HERC1: variants seen among roughly 807,000 people sequenced by gnomAD.
HERC1 encodes HECT and RLD domain containing E3 ubiquitin protein ligase family member 1.
In HERC1, 160 loss-of-function variants were observed where a neutral mutation model predicts 554.3. The ratio of observed to expected loss-of-function variants is 0.29; its 90% CI spans 0.25 to 0.33. The LOEUF is 0.33. HERC1 is among the 10% of genes least tolerant of loss of function. The pLI, the probability that HERC1 is intolerant of heterozygous loss-of-function variation, is 1.00. For missense variants in HERC1, 4,919 were observed against 5,918.5 expected, an observed-to-expected ratio of 0.83 and a Z score of 5.54; for synonymous variants, 2,175 against 2,131.7, an observed-to-expected ratio of 1.02 and a Z score of -0.56.
intron 25 of HERC1, among the ~76,000 whole-genome samples, chr15:63,700,862 T>C (rs547905866): frequency 1.3e-5 from 2 of 152,002 alleles, no homozygotes; most frequent in Non-Finnish European, 2.9e-5. Context: ...CATAGATGCA[T>C]AATGTATTAA....
intron 1 of HERC1, among the ~76,000 whole-genome samples, chr15:63,790,173 T>C (rs982517741): frequency 2.0e-5 from 3 of 152,212 alleles, no homozygotes; most frequent in Non-Finnish European, 4.4e-5. Flanking sequence ...TGGACTCATC[T>C]CCTGGAACTC....
At position 63,692,562 on chromosome 15, in the gene HERC1, A is replaced by G; in HGVS notation, c.5679T>C (p.Ala1893=). The part of the protein sequence containing the change: ...GETEKKDFRA[A]LRKQHAAELH... ...GTTCGGCTGCATGTTGTTTCCTAAG[A>G]GCAGCTACAGTGAAGAGACAAGTTT... Residue 1893 remains alanine (A), a synonymous_variant, in exon 31 of 78, where the codon GCT becomes GCC. Coordinates refer to ENST00000443617, the MANE Select transcript of HERC1 (RefSeq NM_003922.4). The surrounding 1 kb of genome is among the most constrained non-coding windows in gnomAD (Gnocchi z 4.7). The G allele has an allele frequency of 1.9e-6, 3 of 1,603,992 alleles. No individual in the cohort carries two copies. The highest frequency in any genetic ancestry group is 2.5e-6 in the Non-Finnish European group (3 of 1,176,626).
chr15:63,630,494 T>C lies in HERC1; in HGVS notation c.12938A>G (p.Tyr4313Cys). The change falls in exon 69 of 78, where the codon TAT (tyrosine) becomes TGT (cysteine). Residue 4313 changes from tyrosine (Y) to cysteine (C), a missense_variant. Around this residue, in one of 11 missense-constraint regions of HERC1, gnomAD observed 410 missense variants for 467.0 expected, o/e 0.88. Transcript: ENST00000443617. ...CCCTTCTGAATTGCTCCCCCAGGCATACACATCTCCATTTGATGCCAAAGC... is the reference window on the plus strand; with the variant it reads ...CCCTTCTGAATTGCTCCCCCAGGCACACACATCTCCATTTGATGCCAAAGC... The part of the protein sequence containing the change: ...TLALASNGDV[Y>C]AWGSNSEGQL... 1 of 1,613,932 alleles carries C rather than the reference T, an allele frequency of 6.2e-7. No homozygotes were observed. Among genetic ancestry groups the C allele is most frequent in the Non-Finnish European group, 8.5e-7 (1 of 1,179,850 alleles).
At chr15:63,613,977 CACAAA>C (rs2067709447) in intron 76 of HERC1, among the ~76,000 whole-genome samples, 1 of 152,110 alleles carries the variant, frequency 6.6e-6, no homozygotes, top group African/African-American at 2.4e-5. Context: ...CTTGGTGGAA[CACAAA>C]ACAAAAGCTG....
chr15:63,641,757 T>A (rs1355809018), intron 59 of HERC1, 114 bp from the exon 60 acceptor site: 2 of 824,792 alleles, frequency 2.4e-6, no homozygotes, highest in Non-Finnish European at 1.8e-6. Context: ...GCTTTTTGGA[T>A]ATTTTATATC....
intron 60 of HERC1, among the ~76,000 whole-genome samples, chr15:63,640,924 G>T (rs1026899082): frequency 6.6e-6 from 1 of 152,118 alleles, no homozygotes; most frequent in South Asian, 2.1e-4. Context: ...GCCATCAAAG[G>T]AAAAGCAAAA....
chr15:63,674,799 G>A lies in HERC1; in HGVS notation c.7389C>T (p.Ile2463=), dbSNP rs374567563. Residue 2463 remains isoleucine (I), a synonymous_variant, in exon 38 of 78, where the codon ATC becomes ATT. Coordinates refer to ENST00000443617, the MANE Select transcript of HERC1 (RefSeq NM_003922.4). ...STTSSKSENE[I]ASFSLDPTLP... Reference sequence around the variant, plus strand: ...GTGTTGGATCTAAAGAAAATGAAGCGATTTCATTTTCTGATTTGGAGCTTG... The same window carrying A: ...GTGTTGGATCTAAAGAAAATGAAGCAATTTCATTTTCTGATTTGGAGCTTG... The A allele has an allele frequency of 2.7e-5, 43 of 1,613,686 alleles. No individual in the cohort carries two copies. The Admixed American group carries it at 3.2e-4, about 12-fold the overall frequency.
chr15:63,676,462 T>C (rs2071212484), intron 37 of HERC1, among the ~76,000 whole-genome samples: 2 of 152,134 alleles, frequency 1.3e-5, no homozygotes, highest in African/African-American at 2.4e-5. Flanking sequence ...ACCACTGTTT[T>C]AGATATTGTT....
At chr15:63,641,239 T>C (rs1206543462) in intron 60 of HERC1, among the ~76,000 whole-genome samples, 3 of 152,230 alleles carry the variant, frequency 2.0e-5, no homozygotes, top group South Asian at 2.1e-4. Flanking sequence ...AAAGCAGTAA[T>C]ACAAACTTGG....
In HERC1 at chr15:63,608,960, T is replaced by C. The variant is rs777741365; in HGVS notation, c.*121A>G. 3 of 772,920 alleles carry C rather than the reference T, an allele frequency of 3.9e-6. No homozygotes were observed. The highest frequency in any genetic ancestry group is 3.9e-6 in the Non-Finnish European group (2 of 516,184). The allele number at this position is 772,920 out of a possible 1,614,324, so 47.9% of individuals were successfully genotyped here. On this transcript the variant is annotated 3_prime_UTR_variant, in exon 78 of 78. Coordinates refer to ENST00000443617, the MANE Select transcript of HERC1 (RefSeq NM_003922.4). ...ATTTAGAGTAACTAAATGTGGCCAT[T>C]GTTTATAATGTTGGTTTATGTTCTT...
intron 53 of HERC1, 21 bp downstream of exon 53, chr15:63,651,232 T>G (rs2069660278): frequency 1.2e-6 from 2 of 1,612,078 alleles, no homozygotes; most frequent in African/African-American, 2.7e-5. Context: ...AGCAGTTTAC[T>G]AGTGTTTACA....
At chr15:63,640,609 C>T (rs1023201710) in intron 60 of HERC1, among the ~76,000 whole-genome samples, 164 bp from the exon 61 acceptor site, 1 of 152,070 alleles carries the variant, frequency 6.6e-6, no homozygotes, top group Admixed American at 6.6e-5. Context: ...CAGATAGTAC[C>T]GAGGATTTCT....
At chr15:63,695,028 T>C (rs1360672754) in intron 27 of HERC1, 134 bp from the exon 28 acceptor site, 5 of 626,048 alleles carry the variant, frequency 8.0e-6, no homozygotes, top group East Asian at 4.0e-5. Flanking sequence ...ATATTTCATA[T>C]ATAAAGTATA....
At chr15:63,779,176 AAAAC>A (rs752059475) in intron 1 of HERC1, among the ~76,000 whole-genome samples, 3 of 152,116 alleles carry the variant, frequency 2.0e-5, no homozygotes, top group East Asian at 1.9e-4. Flanking sequence ...AGAAAAATAC[AAAAC>A]AAACAAAAAC....
intron 1 of HERC1, among the ~76,000 whole-genome samples, chr15:63,809,320 G>A (rs1567149777): frequency 6.6e-6 from 1 of 152,128 alleles, no homozygotes; most frequent in Admixed American, 6.6e-5. Flanking sequence ...GTAATTATGT[G>A]TTAATTTTAA....
At chr15:63,649,414 C>T (rs955277609) in intron 54 of HERC1, among the ~76,000 whole-genome samples, 9 of 152,106 alleles carry the variant, frequency 5.9e-5, no homozygotes, top group Non-Finnish European at 1.0e-4. Context: ...TGATTATGAC[C>T]TTTTTTTCTC....
intron 77 of HERC1, among the ~76,000 whole-genome samples, chr15:63,611,043 G>A (rs1390215824): frequency 8.5e-5 from 13 of 152,180 alleles, no homozygotes; most frequent in Non-Finnish European, 7.4e-5. Context: ...GAGATGACTG[G>A]CATTGGGCTT....
intron 74 of HERC1, among the ~76,000 whole-genome samples, chr15:63,617,921 G>C (rs1018835628): frequency 6.6e-6 from 1 of 152,116 alleles, no homozygotes; most frequent in Non-Finnish European, 1.5e-5. Context: ...TGTCAGATGA[G>C]TAGGTTGCAA....
At chr15:63,787,960 CAAAAAAAAAAAAA>C (rs375499946) in intron 1 of HERC1, among the ~76,000 whole-genome samples, 1 of 45,648 alleles carries the variant, frequency 2.2e-5, no homozygotes, top group Non-Finnish European at 4.5e-5. Flanking sequence ...GACCCTGTCT[CAAAAAAAAAAAAA>C]AAAAAAAAAG....
Sources: allele counts gnomAD v4.1 joint callset (sites outside exome capture counted in the v4.1 genomes callset), GRCh38; gene constraint gnomAD v4.1.1; regional missense constraint gnomAD v4.1.1; non-coding constraint Gnocchi (gnomAD v3.1); transcripts MANE v1.5; gene names NCBI Gene and HGNC (gene_info 2026-07-23, HGNC 2026-07-21).